The following DHTKD1 variants were observed in gnomAD, a reference collection of about 807,000 sequenced individuals.
DHTKD1 encodes dehydrogenase E1 and transketolase domain containing 1.
DHTKD1 carries 78 observed loss-of-function variants against 101.8 expected under a neutral mutation model. The observed-to-expected ratio is 0.77, with a 90% confidence interval of 0.64 to 0.93. The LOEUF (loss-of-function observed/expected upper bound fraction) is 0.93. Ranked by LOEUF, DHTKD1 falls within the 40% of genes least tolerant of loss-of-function variation. The pLI, the probability that DHTKD1 is intolerant of heterozygous loss-of-function variation, is 0.00. For missense variants in DHTKD1, 1,223 were observed against 1,161.7 expected (o/e 1.05, Z -0.77); for synonymous variants, 462 against 450.3 (o/e 1.03, Z -0.33).
chr10:12,114,400 G>A (rs1424392754), intron 13 of DHTKD1, among the ~76,000 whole-genome samples: 2 of 151,026 alleles, frequency 1.3e-5, no homozygotes, highest in African/African-American at 2.4e-5. Flanking sequence ...GGGTTCAAGC[G>A]ATTCTCCTGC....
chr10:12,097,753 G>T lies in DHTKD1; in HGVS notation c.1428G>T (p.Glu476Asp). Residue 476 changes from glutamate (E) to aspartate (D), a missense_variant, in exon 8 of 17, where the codon GAG (glutamate) becomes GAT (aspartate). Glu to Asp is a conservative substitution (Grantham distance 45). Transcript: ENST00000263035. Reference sequence around the variant, plus strand: ...CTGGCGGACTCATGACGCAGGAGGAGGTGTCTGAAATAAAATCCTCCTACT... The same window carrying T: ...CTGGCGGACTCATGACGCAGGAGGATGTGTCTGAAATAAAATCCTCCTACT... The part of the protein sequence containing the change: ...LIAGGLMTQE[E>D]VSEIKSSYYA... 6.2e-7 allele frequency: 1 copy of T among 1,614,194 alleles called. No individual in the cohort carries two copies. The highest frequency in any genetic ancestry group is 8.5e-7 in the Non-Finnish European group (1 of 1,180,030).
chr10:12,105,575 C>A (rs1833231540), intron 10 of DHTKD1, among the ~76,000 whole-genome samples: 2 of 152,112 alleles, frequency 1.3e-5, no homozygotes, highest in African/African-American at 2.4e-5. Flanking sequence ...ATCTCGGCCT[C>A]CCAAATTGTT....
chr10:12,081,022 C>T lies in DHTKD1; in HGVS notation c.155-450C>T, dbSNP rs187384577. ...GCAGTGAGCTGTGATGGTTCTTGGC[C>T]GGGTGCGGTGGCTCACGCCTGTAAT... is the stretch of plus-strand genomic sequence containing the variant. On this transcript the variant is annotated intron_variant, in intron 1 of 16. Transcript: ENST00000263035. Among the ~76,000 whole-genome samples the T allele has an allele frequency of 4.4e-3, 661 of 151,910 alleles. 7 individuals carry two copies. The highest frequency in any genetic ancestry group is 0.012 in the African/African-American group (496 of 41,434).
rs1174769636 is a variant in DHTKD1, at chr10:12,121,315, G to C, written c.*427G>C. 5.8e-6 allele frequency: 1 copy of C among 173,190 alleles called. No homozygotes were observed. The highest frequency in any genetic ancestry group is 1.3e-5 in the Non-Finnish European group (1 of 79,410). The allele number at this position is 173,190 out of a possible 1,614,324, so 10.7% of individuals were successfully genotyped here. Reference sequence around the variant, plus strand: ...ACATGAAAAGACTGTATTCCTCTAAGATGTTGGGATTGATATACGTGATTT... The same window carrying C: ...ACATGAAAAGACTGTATTCCTCTAACATGTTGGGATTGATATACGTGATTT... On this transcript the variant is annotated 3_prime_UTR_variant, in exon 17 of 17. Transcript: ENST00000263035.
At position 12,084,680 on chromosome 10, in the gene DHTKD1, G is replaced by A. The variant is rs908926249; in HGVS notation, c.451G>A (p.Glu151Lys). 7.4e-6 allele frequency: 12 copies of A among 1,614,032 alleles called. No homozygotes were observed. The Admixed American group carries it at 1.7e-4, about 22-fold the overall frequency. Residue 151 changes from glutamate (E) to lysine (K), a missense_variant, in exon 3 of 17, where the codon GAG becomes AAG. Coordinates refer to ENST00000263035, the MANE Select transcript of DHTKD1 (RefSeq NM_018706.7). ...DEKDWFAKRF[E>K]ELQKETFTTE... is the part of the protein sequence containing the mutation. ...GAAAGACTGGTTTGCCAAGCGGTTTGAGGAACTGCAAAAGGAGACGTTTAC... is the reference window on the plus strand; with the variant it reads ...GAAAGACTGGTTTGCCAAGCGGTTTAAGGAACTGCAAAAGGAGACGTTTAC...
intron 3 of DHTKD1, among the ~76,000 whole-genome samples, chr10:12,085,051 C>CA (rs201768673): frequency 0.079 from 11,829 of 149,518 alleles, 592 homozygotes; most frequent in Non-Finnish European, 0.12. Context: ...AACACCTTCT[C>CA]AAAAAAAAAG....
At chr10:12,117,526 TGGCAAGGCA>T in intron 13 of DHTKD1, 138 bp from the exon 14 acceptor site, 2 of 633,550 alleles carry the variant, frequency 3.2e-6, no homozygotes, top group Non-Finnish European at 2.9e-6. Flanking sequence ...TGATATTTTT[TGGCAAGGCA>T]TTGCGTCTAT....
rs55809304 is a variant in DHTKD1, at chr10:12,103,491, CTGTGTGTGTGTG to C, written c.1896+2336_1896+2347del. ...CCCCAACTTCGTTGTACATCTCAAT[CTGTGTGTGTGTG>C]TGTGTGTGTGTGTGTGTGTGTGTGT... On this transcript the variant is annotated intron_variant, in intron 10 of 16. Coordinates refer to ENST00000263035, the MANE Select transcript of DHTKD1 (RefSeq NM_018706.7). This position sits in a 1 kb window ranked among gnomAD's most constrained non-coding sequence, Gnocchi z 4.8. 4.1e-5 allele frequency among the ~76,000 whole-genome samples: 6 copies of C among 144,990 alleles called. No homozygotes were observed. Among genetic ancestry groups the C allele is most frequent in the East Asian group, 4.1e-4 (2 of 4,830 alleles).
intron 12 of DHTKD1, among the ~76,000 whole-genome samples, chr10:12,109,155 A>G (rs1230079425): frequency 2.0e-5 from 3 of 152,076 alleles, no homozygotes; most frequent in Non-Finnish European, 4.4e-5. Flanking sequence ...AAAATTAAAT[A>G]AATAAATAAA....
rs2131620792 is a variant in DHTKD1, at chr10:12,107,804, G to GT, written c.2048-105_2048-104insT. ...AGGTGCATGTAATGAAAGCAGTTTT[G>GT]GGGGGCCAGGCAGAAAACTAACATT... On this transcript the variant is annotated intron_variant, in intron 11 of 16. Coordinates refer to ENST00000263035, the MANE Select transcript of DHTKD1 (RefSeq NM_018706.7). The surrounding 1 kb of genome is among the most constrained non-coding windows in gnomAD (Gnocchi z 4.1). 1 of 708,614 alleles carries GT rather than the reference G, an allele frequency of 1.4e-6. No homozygotes were observed. Among genetic ancestry groups the GT allele is most frequent in the East Asian group, 2.7e-5 (1 of 37,238 alleles). 43.9% of individuals were successfully genotyped at this position (708,614 alleles called of 1,614,324 possible). A position where few individuals can be genotyped will look rare whatever the true frequency, so the allele number is the denominator to read the frequency against.
rs754487112 is a variant in DHTKD1, at chr10:12,112,979, A to G, written c.2234A>G (p.Tyr745Cys). 39 of 1,613,976 alleles carry G rather than the reference A, an allele frequency of 2.4e-5. No homozygotes were observed. Among genetic ancestry groups the G allele is most frequent in the Non-Finnish European group, 3.2e-5 (38 of 1,179,950 alleles). Residue 745 changes from tyrosine (Y) to cysteine (C), a missense_variant, in exon 13 of 17, where the codon TAT (tyrosine) becomes TGT (cysteine). Coordinates refer to ENST00000263035, the MANE Select transcript of DHTKD1 (RefSeq NM_018706.7). ...FVVHPTTPAQ[Y>C]FHLLRRQMVR... The stretch of plus-strand genomic sequence containing the variant: ...GTTCACCCAACAACTCCTGCACAGT[A>G]TTTCCACTTGCTTAGGAGACAGATG...
Position 12,094,073 on chromosome 10 carries a change from G to A in DHTKD1, c.1160G>A (p.Gly387Glu). 6.2e-7 allele frequency: 1 copy of A among 1,613,268 alleles called. No homozygotes were observed. Among genetic ancestry groups the A allele is most frequent in the South Asian group, 1.1e-5 (1 of 91,050 alleles). Residue 387 changes from glycine to glutamate, a missense_variant and splice_region_variant, in exon 7 of 17, where the codon GGG (glycine) becomes GAG (glutamate). Gly to Glu is a moderately conservative substitution (Grantham distance 98). Transcript: ENST00000263035. The stretch of plus-strand genomic sequence containing the variant: ...TTCGGCTTGGTCTTCTGTCCTTCAG[G>A]GAAGCTTGTGGGCTGTGCCATCATC... The part of the protein sequence containing the change: ...GRSSLYCSDI[G>E]KLVGCAIIHV...
rs1269666338 is a variant in DHTKD1 at position 12,107,314 on chromosome 10, G to A, written c.2048-595G>A. Among the ~76,000 whole-genome samples, 1 of 151,624 alleles carries A rather than the reference G, an allele frequency of 6.6e-6. No individual in the cohort carries two copies. The highest frequency in any genetic ancestry group is 1.5e-5 in the Non-Finnish European group (1 of 67,916). ...AGCTGCCCATTCTTGTAAGAGTGGT[G>A]CCTGCGGTGGTATTGGAGCGGCATG... On this transcript the variant is annotated intron_variant, in intron 11 of 16. Transcript: ENST00000263035. The surrounding 1 kb of genome is among the most constrained non-coding windows in gnomAD (Gnocchi z 4.1).
At chr10:12,114,940 C>T (rs1179985979) in intron 13 of DHTKD1, among the ~76,000 whole-genome samples, 5 of 152,188 alleles carry the variant, frequency 3.3e-5, no homozygotes, top group South Asian at 2.1e-4. Context: ...GGACCACAGG[C>T]GCCTGCCACC....
chr10:12,088,981 A>G lies in DHTKD1; in HGVS notation c.718-5A>G, dbSNP rs374421488. The G allele has an allele frequency of 7.0e-5, 113 of 1,612,004 alleles. No individual in the cohort carries two copies. Among genetic ancestry groups the G allele is most frequent in the Non-Finnish European group, 9.0e-5 (106 of 1,178,490 alleles). On this transcript the variant is annotated splice_polypyrimidine_tract_variant and splice_region_variant and intron_variant, in intron 4 of 16. Coordinates refer to ENST00000263035, the MANE Select transcript of DHTKD1 (RefSeq NM_018706.7). ...TTTTTTTCCTTTTGAATGTATCCAC[A>G]ATAGCTGATGTTCCGTAAAATGCGA...
Position 12,081,637 on chromosome 10 carries a change from C to A in DHTKD1, c.310+10C>A, listed in dbSNP as rs1246028925. The A allele has an allele frequency of 2.5e-6, 4 of 1,614,026 alleles. No individual in the cohort carries two copies. Among genetic ancestry groups the A allele is most frequent in the African/African-American group, 1.3e-5 (1 of 75,042 alleles). On this transcript the variant is annotated intron_variant, in intron 2 of 16. Transcript: ENST00000263035. ...CCCTTCCACACGGCAGGTATGGCTT[C>A]TGCACAGCAGGCGGGAGCTCGGAGC...
chr10:12,102,714 C>G (rs1833189870), intron 10 of DHTKD1, among the ~76,000 whole-genome samples: 1 of 152,038 alleles, frequency 6.6e-6, no homozygotes, highest in South Asian at 2.1e-4. Context: ...AATTTAGTTT[C>G]ATTCATTCAT....
chr10:12,070,000 T>C (rs1832630519), intron 1 of DHTKD1, among the ~76,000 whole-genome samples: 1 of 152,150 alleles, frequency 6.6e-6, no homozygotes, highest in African/African-American at 2.4e-5. Context: ...AGTTCCAGTC[T>C]TGGAAGACAG....
rs948823929 is a variant in DHTKD1 at position 12,095,585 on chromosome 10, G to A, written c.1358+1314G>A. Among the ~76,000 whole-genome samples the A allele has an allele frequency of 1.8e-4, 28 of 151,946 alleles. 1 individual carries two copies. Among genetic ancestry groups the A allele is most frequent in the African/African-American group, 6.7e-4 (28 of 41,510 alleles). ...TCCCAGCACTTTGGGAGGCCGAGGCGGGCGGATCACGAGGTCAGGAGATCG... is the reference window on the plus strand; with the variant it reads ...TCCCAGCACTTTGGGAGGCCGAGGCAGGCGGATCACGAGGTCAGGAGATCG... On this transcript the variant is annotated intron_variant, in intron 7 of 16. Transcript: ENST00000263035.
Sources: gnomAD v4.1 joint callset for allele counts (sites outside exome capture counted in the v4.1 genomes callset) on GRCh38, gnomAD v4.1.1 for gene constraint, Gnocchi (gnomAD v3.1) non-coding constraint, MANE v1.5 for transcripts, NCBI Gene and HGNC (gene_info 2026-07-23, HGNC 2026-07-21) for gene names.